Variants in GPC6 observed in about 807,000 individuals in gnomAD.
The protein encoded by GPC6 is glypican-6.
GPC6 carries 14 observed loss-of-function variants against 55.2 expected under a neutral mutation model. The ratio of observed to expected loss-of-function variants is 0.25; its 90% CI spans 0.17 to 0.40. The LOEUF (loss-of-function observed/expected upper bound fraction) is 0.40. Among genes scored for constraint, GPC6 ranks in the 10% least tolerant of loss-of-function variants. The pLI is 1.00. For missense variants in GPC6, 641 were observed against 708.5 expected, an observed-to-expected ratio of 0.90 and a Z score of 1.08; for synonymous variants, 278 against 259.6, an observed-to-expected ratio of 1.07 and a Z score of -0.68.
At chr13:93,986,300 A>G (rs1881028727) in intron 3 of GPC6, among the ~76,000 whole-genome samples, 1 of 152,170 alleles carries the variant, frequency 6.6e-6, no homozygotes, top group Admixed American at 6.5e-5. Context: ...ACTCTGTTAG[A>G]CATTCAACTC....
At chr13:94,031,169 A>G (rs1192720859) in intron 4 of GPC6, among the ~76,000 whole-genome samples, 1 of 151,974 alleles carries the variant, frequency 6.6e-6, no homozygotes, top group Non-Finnish European at 1.5e-5. Context: ...ATGCATTTTC[A>G]AAGTCCTCCT....
chr13:93,941,546 A>G (rs1878737734), intron 3 of GPC6, among the ~76,000 whole-genome samples: 1 of 152,178 alleles, frequency 6.6e-6, no homozygotes, highest in Admixed American at 6.5e-5. Context: ...CACTCTAGTC[A>G]GTAGATTTTA....
At chr13:94,164,260 A>G (rs1238279464) in intron 4 of GPC6, among the ~76,000 whole-genome samples, 1 of 152,190 alleles carries the variant, frequency 6.6e-6, no homozygotes, top group African/African-American at 2.4e-5. Flanking sequence ...GTAATAAGCT[A>G]CTTAATATTG....
In GPC6 at chr13:93,307,528, A is replaced by T. The variant is rs184379112; in HGVS notation, c.160+79912A>T. 1.5e-3 allele frequency among the ~76,000 whole-genome samples: 232 copies of T among 152,208 alleles called. 1 individual carries two copies. Among genetic ancestry groups the T allele is most frequent in the African/African-American group, 5.3e-3 (219 of 41,544 alleles). On this transcript the variant is annotated intron_variant, in intron 1 of 8. Transcript: ENST00000377047. ...GTTATTATAATAATTCTAATTATAA[A>T]CCACTCATACCTATGTATGGAAAGA...
At chr13:93,470,301 G>C (rs1229308910) in intron 1 of GPC6, among the ~76,000 whole-genome samples, 1 of 151,652 alleles carries the variant, frequency 6.6e-6, no homozygotes, top group African/African-American at 2.4e-5. Flanking sequence ...TTTATTTCTA[G>C]TTTGCTGCAA....
chr13:93,762,456 G>A (rs1236280007), intron 2 of GPC6, among the ~76,000 whole-genome samples: 1 of 152,162 alleles, frequency 6.6e-6, no homozygotes, highest in Non-Finnish European at 1.5e-5. Flanking sequence ...TGTGGTCAGT[G>A]TAAAAGCAAG....
At chr13:94,311,611 C>A (rs1876251077) in intron 6 of GPC6, among the ~76,000 whole-genome samples, 1 of 152,206 alleles carries the variant, frequency 6.6e-6, no homozygotes, top group Admixed American at 6.5e-5. Flanking sequence ...TAAATCCAGG[C>A]AGTGATAACA....
intron 3 of GPC6, among the ~76,000 whole-genome samples, chr13:93,923,006 T>C (rs969928080): frequency 6.6e-5 from 10 of 152,144 alleles, no homozygotes; most frequent in African/African-American, 2.4e-4. Context: ...GGTGAACAAT[T>C]CAGCCATAAA....
chr13:94,402,916 G>A, intron 8 of GPC6, 99 bp from the exon 9 acceptor site: 5 of 901,398 alleles, frequency 5.5e-6, no homozygotes, highest in Non-Finnish European at 9.3e-6. Context: ...CTGACAGGTG[G>A]GGATTATGGG....
intron 4 of GPC6, among the ~76,000 whole-genome samples, chr13:94,056,018 C>G (rs984030264): frequency 6.6e-6 from 1 of 152,144 alleles, no homozygotes; most frequent in Non-Finnish European, 1.5e-5. Flanking sequence ...AGGCCCAGCC[C>G]CTCTTAGCTT....
chr13:94,220,754 T>C (rs1206864142), intron 4 of GPC6, among the ~76,000 whole-genome samples: 1 of 152,084 alleles, frequency 6.6e-6, no homozygotes, highest in Non-Finnish European at 1.5e-5. Context: ...ATGGCATTCT[T>C]CCCATGTTTG....
Position 94,270,011 on chromosome 13 carries a change from C to T in GPC6, c.878-16338C>T, listed in dbSNP as rs1891941275. ...TGATTGCAAGGGGGAAACAAATGAT[C>T]TGTTTTAAAACCTAAAAGTTTAAAT... On this transcript the variant is annotated intron_variant, in intron 4 of 8. Coordinates refer to ENST00000377047, the MANE Select transcript of GPC6 (RefSeq NM_005708.5). Among the ~76,000 whole-genome samples the T allele has an allele frequency of 3.3e-5, 5 of 151,086 alleles. 1 individual carries two copies. In the South Asian group the frequency reaches 1.0e-3, roughly 32 times the overall value.
intron 2 of GPC6, among the ~76,000 whole-genome samples, chr13:93,756,003 C>G (rs9589820): frequency 0.12 from 17,916 of 152,054 alleles, 2,347 homozygotes; most frequent in African/African-American, 0.32. Context: ...AAATTGATTT[C>G]CTCTGTGATG....
At chr13:94,198,910 G>T (rs11840269) in intron 4 of GPC6, among the ~76,000 whole-genome samples, 1,541 of 152,136 alleles carry the variant, frequency 0.01, 22 homozygotes, top group African/African-American at 0.035. Context: ...TCTTTCCATC[G>T]TATGGCACAG....
At chr13:94,015,675 G>T (rs1474637663) in intron 3 of GPC6, among the ~76,000 whole-genome samples, 2 of 152,110 alleles carry the variant, frequency 1.3e-5, no homozygotes, top group African/African-American at 2.4e-5. Flanking sequence ...TTTTGTAGAT[G>T]GTATGAGGTA....
chr13:93,885,358 G>A (rs1317017825), intron 3 of GPC6, among the ~76,000 whole-genome samples: 2 of 149,756 alleles, frequency 1.3e-5, no homozygotes, highest in East Asian at 3.9e-4. Flanking sequence ...AAGTTGTCAG[G>A]TCTGGAAACT....
chr13:93,255,903 G>A (rs1015160905), intron 1 of GPC6, among the ~76,000 whole-genome samples: 4 of 152,082 alleles, frequency 2.6e-5, no homozygotes, highest in East Asian at 1.9e-4. Flanking sequence ...GGAGGCCAAA[G>A]TTGATGGATT....
Position 94,270,840 on chromosome 13 carries a change from G to A in GPC6, c.878-15509G>A, listed in dbSNP as rs188209464. On this transcript the variant is annotated intron_variant, in intron 4 of 8. Transcript: ENST00000377047. Reference sequence around the variant, plus strand: ...AGTTCTGAAAGAGTCCGAACACTAAGAGAAGTGGCAGAAAGAGAAAGTATG... The same window carrying A: ...AGTTCTGAAAGAGTCCGAACACTAAAAGAAGTGGCAGAAAGAGAAAGTATG... 1.5e-4 allele frequency among the ~76,000 whole-genome samples: 23 copies of A among 152,208 alleles called. No homozygotes were observed. In the East Asian group the frequency reaches 4.4e-3, roughly 29 times the overall value.
At chr13:93,281,022 G>C (rs958619737) in intron 1 of GPC6, among the ~76,000 whole-genome samples, 1 of 152,126 alleles carries the variant, frequency 6.6e-6, no homozygotes, top group African/African-American at 2.4e-5. Flanking sequence ...TCCAAGGGTT[G>C]GGGACCCCTG....
Sources: allele counts gnomAD v4.1 joint callset (sites outside exome capture counted in the v4.1 genomes callset), GRCh38; gene constraint gnomAD v4.1.1; transcripts MANE v1.5; gene names NCBI Gene and HGNC (gene_info 2026-07-23, HGNC 2026-07-21).